The following NRXN3 variants were observed in gnomAD, a reference collection of about 807,000 sequenced individuals.
NRXN3 encodes the protein neurexin III.
Under a neutral mutation model 137.6 loss-of-function variants are expected in NRXN3, and 32 were observed. The observed-to-expected ratio is 0.23, with a 90% CI of 0.18 to 0.31. The LOEUF is 0.31. Among genes scored for constraint, NRXN3 ranks in the 10% least tolerant of loss-of-function variants. The probability of loss-of-function intolerance (pLI) is 1.00; values close to 1 mark genes in which losing one functional copy is unlikely to be tolerated. For missense variants in NRXN3, 1,574 were observed against 2,062.5 expected, an observed-to-expected ratio of 0.76 and a Z score of 4.59; for synonymous variants, 798 against 784.5, an observed-to-expected ratio of 1.02 and a Z score of -0.29.
In NRXN3 at chr14:79,548,896, C is replaced by A. The variant is rs182981383; in HGVS notation, c.3444+81494C>A. Among the ~76,000 whole-genome samples, 550 of 152,174 alleles carry A rather than the reference C, an allele frequency of 3.6e-3. 4 individuals are homozygous for A. The highest frequency in any genetic ancestry group is 5.0e-3 in the Non-Finnish European group (337 of 68,016). On this transcript the variant is annotated intron_variant, in intron 16 of 20. Coordinates refer to ENST00000335750, the MANE Select transcript of NRXN3 (RefSeq NM_001330195.2). ...CAGACATTGCACTGCACAGAATGGA[C>A]CATTTTGGAGACTTTCAAAGACAGT...
intron 15 of NRXN3, among the ~76,000 whole-genome samples, chr14:79,048,595 C>A (rs1019386627): frequency 6.7e-6 from 1 of 150,280 alleles, no homozygotes; most frequent in Non-Finnish European, 1.5e-5. Flanking sequence ...CTAAAAAATG[C>A]GAATGATTAT....
At chr14:79,083,018 C>A (rs1475868523) in intron 15 of NRXN3, among the ~76,000 whole-genome samples, 2 of 152,112 alleles carry the variant, frequency 1.3e-5, no homozygotes, top group East Asian at 3.9e-4. Flanking sequence ...GACATTGATA[C>A]AACATTTTTT....
At chr14:78,730,072 C>G (rs1335770556) in intron 8 of NRXN3, among the ~76,000 whole-genome samples, 1 of 152,156 alleles carries the variant, frequency 6.6e-6, no homozygotes, top group Non-Finnish European at 1.5e-5. Flanking sequence ...AGAAGCTCCC[C>G]TAGGCTGGGG....
At chr14:78,468,999 G>T (rs1018170650) in intron 4 of NRXN3, among the ~76,000 whole-genome samples, 5 of 152,116 alleles carry the variant, frequency 3.3e-5, no homozygotes, top group Admixed American at 6.5e-5. Flanking sequence ...CTGGGGCATG[G>T]GAGAGGTCAA....
intron 4 of NRXN3, among the ~76,000 whole-genome samples, chr14:78,322,084 CT>C (rs1163325792): frequency 2.6e-5 from 4 of 151,078 alleles, no homozygotes; most frequent in Non-Finnish European, 5.9e-5. Context: ...CATACCAGCC[CT>C]TTTTTTTTAA....
chr14:78,997,585 A>G (rs1023064955), intron 15 of NRXN3, among the ~76,000 whole-genome samples: 4 of 152,236 alleles, frequency 2.6e-5, no homozygotes, highest in Non-Finnish European at 5.9e-5. Context: ...TAAAATAGAA[A>G]TAATAAATAT....
intron 16 of NRXN3, among the ~76,000 whole-genome samples, chr14:79,657,884 C>A (rs2098514006): frequency 6.6e-6 from 1 of 152,148 alleles, no homozygotes; most frequent in Non-Finnish European, 1.5e-5. Context: ...ATACTGAAAT[C>A]ATATTTGGTC....
chr14:78,934,903 A>G (rs2099331123), intron 10 of NRXN3, among the ~76,000 whole-genome samples: 1 of 152,070 alleles, frequency 6.6e-6, no homozygotes, highest in South Asian at 2.1e-4. Flanking sequence ...TGGCACATGT[A>G]TACATATGTA....
chr14:79,329,493 A>T lies in NRXN3; in HGVS notation c.3263-137728A>T, dbSNP rs557079083. Among the ~76,000 whole-genome samples the T allele has an allele frequency of 8.5e-5, 13 of 152,306 alleles. No individual in the cohort carries two copies. The East Asian group carries it at 2.5e-3, about 29-fold the overall frequency. ...CATGAAGCTTCACCTGGGTTTTGCA[A>T]GCCATATGGTCTCTGTCTCAAGTAT... On this transcript the variant is annotated intron_variant, in intron 15 of 20. Coordinates refer to ENST00000335750, the MANE Select transcript of NRXN3 (RefSeq NM_001330195.2).
rs143339449 is a variant in NRXN3, at chr14:79,493,120, G to C, written c.3444+25718G>C. Among the ~76,000 whole-genome samples, 311 of 152,326 alleles carry C rather than the reference G, an allele frequency of 2.0e-3. 3 individuals carry two copies. The highest frequency in any genetic ancestry group is 7.3e-3 in the African/African-American group (305 of 41,576). On this transcript the variant is annotated intron_variant, in intron 16 of 20. Coordinates refer to ENST00000335750, the MANE Select transcript of NRXN3 (RefSeq NM_001330195.2). ...AAGTTGGGACACAGAAGTTGGCATT[G>C]TGAAGATTTTTAAATTCTAGGACTA... is the stretch of plus-strand genomic sequence containing the variant.
intron 4 of NRXN3, among the ~76,000 whole-genome samples, chr14:78,457,187 C>T (rs934140998): frequency 6.6e-6 from 1 of 151,928 alleles, no homozygotes; most frequent in Non-Finnish European, 1.5e-5. Context: ...TACAAGTGCA[C>T]ACCACCACAC....
At chr14:78,296,114 A>G (rs2153524085) in intron 3 of NRXN3, among the ~76,000 whole-genome samples, 1 of 142,136 alleles carries the variant, frequency 7.0e-6, no homozygotes, top group Middle Eastern at 3.9e-3. Context: ...GCTGGAGTGC[A>G]GTGGTGCGAT....
intron 15 of NRXN3, among the ~76,000 whole-genome samples, chr14:79,267,568 G>C (rs1237737815): frequency 1.3e-5 from 2 of 151,984 alleles, no homozygotes; most frequent in African/African-American, 4.8e-5. Context: ...ATGTTGGCCA[G>C]GCTGGTCTTG....
intron 18 of NRXN3, among the ~76,000 whole-genome samples, chr14:79,696,851 A>G (rs2098737365): frequency 6.6e-6 from 1 of 151,986 alleles, no homozygotes; most frequent in African/African-American, 2.4e-5. Flanking sequence ...TAAAAAATTT[A>G]TTAAATCTGA....
At chr14:79,415,718 A>G (rs972887169) in intron 15 of NRXN3, among the ~76,000 whole-genome samples, 2 of 152,130 alleles carry the variant, frequency 1.3e-5, no homozygotes, top group African/African-American at 4.8e-5. Context: ...AACAATCGCC[A>G]TGTTTAAGAA....
intron 8 of NRXN3, among the ~76,000 whole-genome samples, chr14:78,803,391 A>C (rs186117343): frequency 1.3e-5 from 2 of 152,304 alleles, no homozygotes; most frequent in East Asian, 3.9e-4. Context: ...TAGGGCAGGT[A>C]CCTGTGTCAT....
chr14:79,372,156 T>A (rs1467711259), intron 15 of NRXN3, among the ~76,000 whole-genome samples: 7 of 151,982 alleles, frequency 4.6e-5, no homozygotes, highest in Non-Finnish European at 7.4e-5. Context: ...TGAGAGAGAA[T>A]CAACTCATCA....
Position 78,893,211 on chromosome 14 carries a change from C to T in NRXN3, c.2276-64031C>T, listed in dbSNP as rs74069206. Reference sequence around the variant, plus strand: ...AAGCTCATTCATTCATGGGCTTTCTCTCTGCAATTTTCATTGTGCCTCCCT... The same window carrying T: ...AAGCTCATTCATTCATGGGCTTTCTTTCTGCAATTTTCATTGTGCCTCCCT... On this transcript the variant is annotated intron_variant, in intron 10 of 20. Transcript: ENST00000335750. Among the ~76,000 whole-genome samples, 748 of 152,058 alleles carry T rather than the reference C, an allele frequency of 4.9e-3. 8 individuals carry two copies. Among genetic ancestry groups the T allele is most frequent in the African/African-American group, 0.017 (694 of 41,516 alleles).
intron 8 of NRXN3, among the ~76,000 whole-genome samples, chr14:78,728,476 C>T (rs959045108): frequency 4.6e-5 from 7 of 152,238 alleles, no homozygotes; most frequent in Non-Finnish European, 8.8e-5. Context: ...GCCATGAAAG[C>T]CACTGACATT....
Sources: gnomAD v4.1 joint callset for allele counts (sites outside exome capture counted in the v4.1 genomes callset) on GRCh38, gnomAD v4.1.1 for gene constraint, MANE v1.5 for transcripts, NCBI Gene and HGNC (gene_info 2026-07-23, HGNC 2026-07-21) for gene names.